Variants in NCOA2 observed in about 807,000 individuals in gnomAD.
NCOA2 encodes nuclear receptor coactivator 2.
Under a neutral mutation model 145.1 loss-of-function variants are expected in NCOA2, and 21 were observed. The ratio of observed to expected loss-of-function variants is 0.14; its 90% confidence interval spans 0.10 to 0.21. The LOEUF (loss-of-function observed/expected upper bound fraction) is 0.21. Ranked by LOEUF, NCOA2 falls within the 10% of genes least tolerant of loss-of-function variation. The pLI, the probability that NCOA2 is intolerant of heterozygous loss-of-function variation, is 1.00. For synonymous variants in NCOA2, 619 were observed against 637.5 expected (o/e 0.97, Z 0.44); for missense variants, 1,472 against 1,837.6 (o/e 0.80, Z 3.64).
chr8:70,386,619 G>A (rs1356191120), intron 1 of NCOA2, among the ~76,000 whole-genome samples: 1 of 152,124 alleles, frequency 6.6e-6, no homozygotes, highest in African/African-American at 2.4e-5. Context: ...TATTAAAAAA[G>A]ATAATTCTAG....
At chr8:70,455,075 A>G in the NCOA2 span, among the ~76,000 whole-genome samples, 1 of 152,242 alleles carries the variant, frequency 6.6e-6, no homozygotes, top group Non-Finnish European at 1.5e-5. Context: ...AGAACATTAA[A>G]TCTATAGAAG....
chr8:70,402,265 T>C (rs182650020), intron 1 of NCOA2: 2 of 146,274 alleles, frequency 1.4e-5, no homozygotes, highest in African/African-American at 2.6e-5. Context: ...TCGGAGGAGG[T>C]GGAGAGGGAG....
intron 2 of NCOA2, among the ~76,000 whole-genome samples, chr8:70,282,547 G>C (rs1414455393): frequency 1.3e-5 from 2 of 152,106 alleles, no homozygotes; most frequent in African/African-American, 2.4e-5. Flanking sequence ...AATTAGCCAG[G>C]CATTGTGGCG....
At chr8:70,435,491 G>A in the NCOA2 span, among the ~76,000 whole-genome samples, 1 of 145,096 alleles carries the variant, frequency 6.9e-6, no homozygotes, top group Admixed American at 6.8e-5. Flanking sequence ...CCCCAACTGA[G>A]GTCCTAGCTC....
intron 3 of NCOA2, 129 bp from the exon 4 acceptor site, chr8:70,214,204 T>G (rs562772767): frequency 2.0e-5 from 18 of 897,940 alleles, no homozygotes; most frequent in Non-Finnish European, 1.5e-5. Context: ...GAAATACTTT[T>G]GGGGGAAAAA....
At chr8:70,330,670 A>G (rs999034384) in intron 1 of NCOA2, among the ~76,000 whole-genome samples, 10 of 152,202 alleles carry the variant, frequency 6.6e-5, no homozygotes, top group African/African-American at 2.4e-4. Context: ...ACCAGAAATT[A>G]AAATTTGGAA....
chr8:70,215,805 T>G (rs578204686), intron 3 of NCOA2, among the ~76,000 whole-genome samples: 2 of 152,266 alleles, frequency 1.3e-5, no homozygotes, highest in Non-Finnish European at 2.9e-5. Context: ...TATTGTTTCT[T>G]GATTATCCTA....
intron 4 of NCOA2, among the ~76,000 whole-genome samples, chr8:70,190,345 C>G (rs901973549): frequency 2.6e-5 from 4 of 152,168 alleles, no homozygotes; most frequent in Non-Finnish European, 5.9e-5. Flanking sequence ...AGGAGTTATA[C>G]TATCTGTCCT....
At chr8:70,290,101 T>C (rs1217246688) in intron 2 of NCOA2, among the ~76,000 whole-genome samples, 1 of 152,178 alleles carries the variant, frequency 6.6e-6, no homozygotes, top group Non-Finnish European at 1.5e-5. Flanking sequence ...TACCCCTACG[T>C]ATACTTCTTA....
intron 1 of NCOA2, among the ~76,000 whole-genome samples, chr8:70,369,022 G>T (rs1810981806): frequency 6.6e-6 from 1 of 152,090 alleles, no homozygotes; most frequent in Admixed American, 6.6e-5. Context: ...AAAAAAAAGG[G>T]ATAATTCCAT....
chr8:70,204,477 T>C (rs1818234757), intron 4 of NCOA2, among the ~76,000 whole-genome samples: 1 of 152,348 alleles, frequency 6.6e-6, no homozygotes, highest in East Asian at 1.9e-4. Context: ...AAAAATATTG[T>C]AAATAATATT....
At chr8:70,363,754 C>T (rs1467172096) in intron 1 of NCOA2, among the ~76,000 whole-genome samples, 2 of 152,042 alleles carry the variant, frequency 1.3e-5, no homozygotes, top group Non-Finnish European at 2.9e-5. Context: ...TTGGCACTGA[C>T]CAAAAAGAAG....
At position 70,174,799 on chromosome 8, in the gene NCOA2, T is replaced by C. The variant is rs1814647708; in HGVS notation, c.320A>G (p.Gln107Arg). Residue 107 changes from glutamine to arginine, a missense_variant, in exon 5 of 23, where the codon CAG becomes CGG. By Grantham distance (43) the Gln-to-Arg change is conservative (BLOSUM62 1). Coordinates refer to ENST00000452400, the MANE Select transcript of NCOA2 (RefSeq NM_006540.4). ...VQKSDVSSTG[Q>R]GVIDKDALGP... ...CAGCGCATCCTTGTCGATGACACCC[T>C]GCCCTGTAGAGGATACATCTGACTT... is the stretch of plus-strand genomic sequence containing the variant. The C allele has an allele frequency of 1.9e-6, 3 of 1,613,790 alleles. No individual in the cohort carries two copies. Among genetic ancestry groups the C allele is most frequent in the Non-Finnish European group, 2.5e-6 (3 of 1,179,696 alleles).
chr8:70,128,881 G>C lies in NCOA2; in HGVS notation c.3424C>G (p.Gln1142Glu). 6.2e-7 allele frequency: 1 copy of C among 1,613,954 alleles called. No homozygotes were observed. Among genetic ancestry groups the C allele is most frequent in the Non-Finnish European group, 8.5e-7 (1 of 1,179,866 alleles). The change falls in exon 17 of 23, where the codon CAA becomes GAA. Residue 1142 changes from glutamine to glutamate, a missense_variant. By Grantham distance (29) the Gln-to-Glu change is conservative. Around this residue, in one of 4 missense-constraint regions of NCOA2, gnomAD observed 953 missense variants for 1,062.1 expected, o/e 0.90. Transcript: ENST00000452400. ...VFPQQYASQA[Q>E]MAQGSYSPMQ... ...GGAGAATAGCTACCCTGGGCCATTT[G>C]TGCCTGAGATGCATACTGCTGTGGG...
At chr8:70,200,864 C>G (rs1477058285) in intron 4 of NCOA2, among the ~76,000 whole-genome samples, 1 of 151,750 alleles carries the variant, frequency 6.6e-6, no homozygotes, top group Non-Finnish European at 1.5e-5. Flanking sequence ...TCAAGGCCAA[C>G]CTGTGCAACA....
At chr8:70,381,399 G>C (rs1299080871) in intron 1 of NCOA2, among the ~76,000 whole-genome samples, 1 of 152,106 alleles carries the variant, frequency 6.6e-6, no homozygotes, top group East Asian at 1.9e-4. Flanking sequence ...AGTTTCCATT[G>C]TTTCAAATGG....
At chr8:70,231,997 A>G (rs1821181431) in intron 2 of NCOA2, among the ~76,000 whole-genome samples, 1 of 152,278 alleles carries the variant, frequency 6.6e-6, no homozygotes, top group Non-Finnish European at 1.5e-5. Flanking sequence ...AGTATCCCGC[A>G]GGTCCTTGTC....
At chr8:70,371,453 C>A (rs954422411) in intron 1 of NCOA2, among the ~76,000 whole-genome samples, 3 of 151,928 alleles carry the variant, frequency 2.0e-5, no homozygotes, top group South Asian at 2.1e-4. Flanking sequence ...ATCTAGAATT[C>A]TTATACTTAA....
At chr8:70,216,593 A>G (rs1178417411) in intron 3 of NCOA2, 67 bp downstream of exon 3, 4 of 1,298,896 alleles carry the variant, frequency 3.1e-6, no homozygotes, top group African/African-American at 1.5e-5. Flanking sequence ...CAATGCTAAA[A>G]TAACAAAGAA....
Sources: allele counts gnomAD v4.1 joint callset (sites outside exome capture counted in the v4.1 genomes callset), GRCh38; gene constraint gnomAD v4.1.1; regional missense constraint gnomAD v4.1.1; transcripts MANE v1.5; gene names NCBI Gene and HGNC (gene_info 2026-07-23, HGNC 2026-07-21).